The following ZBTB7A variants were observed in gnomAD, a reference collection of about 807,000 sequenced individuals.
The protein encoded by ZBTB7A is zinc finger and BTB domain-containing protein 7A.
In ZBTB7A, 7 loss-of-function variants were observed where a neutral mutation model predicts 26.7. That is an observed-to-expected ratio of 0.26 (90% CI 0.15 to 0.49). The LOEUF is 0.49. ZBTB7A is among the 20% of genes least tolerant of loss of function. ZBTB7A has a pLI of 0.98. For missense variants in ZBTB7A, 617 were observed against 919.5 expected (o/e 0.67, Z 4.25); for synonymous variants, 452 against 441.0 (o/e 1.02, Z -0.31).
In ZBTB7A at chr19:4,043,620, G is replaced by T. The variant is rs923475257; in HGVS notation, c.*4132C>A. ...ACCTCGATTCTGGGCCTGGGGTGGG[G>T]TGGGGGGCGGGACCTGGGCATCGGA... On this transcript the variant is annotated 3_prime_UTR_variant, in exon 3 of 3. Transcript: ENST00000322357. 6.6e-6 allele frequency among the ~76,000 whole-genome samples: 1 copy of T among 151,382 alleles called. No homozygotes were observed. Among genetic ancestry groups the T allele is most frequent in the African/African-American group, 2.4e-5 (1 of 41,076 alleles).
At chr19:4,058,390 C>T (rs2040604499) in intron 1 of ZBTB7A, among the ~76,000 whole-genome samples, 1 of 152,226 alleles carries the variant, frequency 6.6e-6, no homozygotes, top group Non-Finnish European at 1.5e-5. Context: ...AGGTTTCGGG[C>T]AGCGCCGGGC....
intron 1 of ZBTB7A, among the ~76,000 whole-genome samples, chr19:4,066,267 C>T (rs2040695175): frequency 6.7e-6 from 1 of 148,678 alleles, no homozygotes. Context: ...CGAATAGGCC[C>T]CCGGGGGGCG....
intron 1 of ZBTB7A, among the ~76,000 whole-genome samples, chr19:4,060,806 C>T (rs2040630734): frequency 1.3e-5 from 2 of 152,166 alleles, no homozygotes; most frequent in Non-Finnish European, 2.9e-5. Context: ...GTAACTGCCA[C>T]CCGCCACCTT....
At position 4,052,818 on chromosome 19, in the gene ZBTB7A, A is replaced by AG. The variant is rs1033243256; in HGVS notation, c.1262+1152dup. ...TTAGGGACCAAGTCCTGTGGCTCCC[A>AG]GGGGGGCACAGTGATCTCTCAAGCT... is the stretch of plus-strand genomic sequence containing the variant. On this transcript the variant is annotated intron_variant, in intron 2 of 2. Coordinates refer to ENST00000322357, the MANE Select transcript of ZBTB7A (RefSeq NM_015898.4). This position sits in a 1 kb window ranked among gnomAD's most constrained non-coding sequence, Gnocchi z 4.9. Among the ~76,000 whole-genome samples the AG allele has an allele frequency of 6.6e-6, 1 of 152,188 alleles. No homozygotes were observed. Among genetic ancestry groups the AG allele is most frequent in the African/African-American group, 2.4e-5 (1 of 41,442 alleles).
chr19:4,056,882 C>T (rs1049492578), intron 1 of ZBTB7A, among the ~76,000 whole-genome samples: 4 of 151,160 alleles, frequency 2.6e-5, no homozygotes, highest in Non-Finnish European at 5.9e-5. Flanking sequence ...AAAAAATCAG[C>T]CAGGCGTGGT....
intron 1 of ZBTB7A, among the ~76,000 whole-genome samples, chr19:4,057,831 C>T (rs2040597306): frequency 1.3e-5 from 2 of 151,974 alleles, no homozygotes; most frequent in South Asian, 2.1e-4. Flanking sequence ...CTACTTCCCG[C>T]CAGTTCCACC....
In ZBTB7A at chr19:4,057,971, A is replaced by G. The variant is rs902496038; in HGVS notation, c.-15-2724T>C. On this transcript the variant is annotated intron_variant, in intron 1 of 2. Transcript: ENST00000322357. The stretch of plus-strand genomic sequence containing the variant: ...AAGAGCCGACCCCTTGGCCTCCCCA[A>G]CCCTGACTCCTGCCTCCTGGTCAGG... 3.9e-5 allele frequency among the ~76,000 whole-genome samples: 6 copies of G among 151,922 alleles called. No individual in the cohort carries two copies. In the South Asian group the frequency reaches 8.3e-4, roughly 21 times the overall value.
chr19:4,065,371 G>A (rs1481790353), intron 1 of ZBTB7A: 4 of 144,716 alleles, frequency 2.8e-5, no homozygotes, highest in Non-Finnish European at 4.6e-5. Context: ...CGGCCGCAGC[G>A]CGCGGCCCCC....
intron 1 of ZBTB7A, chr19:4,065,821 G>GA (rs1225829611): frequency 7.1e-6 from 1 of 141,838 alleles, no homozygotes; most frequent in African/African-American, 2.5e-5. Context: ...CCGGGGCGGG[G>GA]AGGGGGCCGG....
At position 4,047,992 on chromosome 19, in the gene ZBTB7A, G is replaced by A. The variant is rs1371094550; in HGVS notation, c.1515C>T (p.Gly505=). Residue 505 remains glycine (G), a synonymous_variant, in exon 3 of 3, where the codon GGC becomes GGT. Transcript: ENST00000322357. ...SRRGRKPRVR[G]GAPDPSPGAT... Reference sequence around the variant, plus strand: ...CCCCCGGGCTGGGGTCGGGCGCCCCGCCCCGGACGCGGGGCTTGCGGCCGC... The same window carrying A: ...CCCCCGGGCTGGGGTCGGGCGCCCCACCCCGGACGCGGGGCTTGCGGCCGC... 2.3e-6 allele frequency: 3 copies of A among 1,300,956 alleles called. No individual in the cohort carries two copies. The highest frequency in any genetic ancestry group is 2.0e-6 in the Non-Finnish European group (2 of 1,014,160). The allele number at this position is 1,300,956 out of a possible 1,614,324, so 80.6% of individuals were successfully genotyped here.
chr19:4,055,641 T>G (rs992266431), intron 1 of ZBTB7A: 1 of 203,876 alleles, frequency 4.9e-6, no homozygotes, highest in African/African-American at 2.4e-5. Context: ...GCTAACACAG[T>G]GAAACCCCGT....
intron 1 of ZBTB7A, chr19:4,055,473 TTG>T (rs1201362513): frequency 4.1e-6 from 4 of 985,158 alleles, no homozygotes; most frequent in Non-Finnish European, 4.8e-6. Flanking sequence ...CTTTTCTTTT[TTG>T]TGTGTCTTTA....
intron 2 of ZBTB7A, among the ~76,000 whole-genome samples, chr19:4,053,580 GGTGTGCGTGT>G (rs1568232771): frequency 6.8e-6 from 1 of 147,164 alleles, no homozygotes; most frequent in African/African-American, 2.5e-5. Flanking sequence ...CGCGCATGTC[GGTGTGCGTGT>G]GTGTGCGTGC....
intron 1 of ZBTB7A, chr19:4,065,878 C>A (rs946896294): frequency 2.1e-5 from 3 of 143,298 alleles, no homozygotes; most frequent in African/African-American, 7.5e-5. Flanking sequence ...CGGCCCCCGG[C>A]GAGGGGAGCC....
At chr19:4,065,451 AG>A in intron 1 of ZBTB7A, 2 of 143,772 alleles carry the variant, frequency 1.4e-5, no homozygotes, top group South Asian at 1.9e-4. Context: ...GGCAGCGGCG[AG>A]GGGGCCCGGC....
chr19:4,059,004 C>T (rs945804069), intron 1 of ZBTB7A, among the ~76,000 whole-genome samples: 3 of 152,168 alleles, frequency 2.0e-5, no homozygotes, highest in African/African-American at 4.8e-5. Flanking sequence ...AGGAGGGGAG[C>T]GACCCCACCC....
chr19:4,064,812 G>A (rs1172451003), intron 1 of ZBTB7A, among the ~76,000 whole-genome samples: 1 of 152,122 alleles, frequency 6.6e-6, no homozygotes, highest in African/African-American at 2.4e-5. Context: ...GGGGGGAGAG[G>A]AGTTGCTGCC....
chr19:4,063,215 G>A (rs1370659230), intron 1 of ZBTB7A, among the ~76,000 whole-genome samples: 3 of 152,160 alleles, frequency 2.0e-5, no homozygotes, highest in Non-Finnish European at 2.9e-5. Context: ...TGGCTTTGCA[G>A]GCAGCAGCTG....
At chr19:4,061,924 G>A (rs1193239667) in intron 1 of ZBTB7A, 1 of 152,282 alleles carries the variant, frequency 6.6e-6, no homozygotes, top group Non-Finnish European at 1.5e-5. Context: ...GGGCAAGCAA[G>A]GCCAGACTCT....
Sources: gnomAD v4.1 joint callset for allele counts (sites outside exome capture counted in the v4.1 genomes callset) on GRCh38, gnomAD v4.1.1 for gene constraint, Gnocchi (gnomAD v3.1) non-coding constraint, MANE v1.5 for transcripts, NCBI Gene and HGNC (gene_info 2026-07-23, HGNC 2026-07-21) for gene names.